The following AUH variants were observed in gnomAD, a reference collection of about 807,000 sequenced individuals.
AUH encodes the protein AU RNA binding methylglutaconyl-CoA hydratase.
A neutral mutation model predicts 42.3 loss-of-function variants in AUH; 29 were observed. The ratio of observed to expected loss-of-function variants is 0.69; its 90% CI spans 0.51 to 0.93. The LOEUF (loss-of-function observed/expected upper bound fraction) is 0.93. Ranked by LOEUF, AUH falls within the 40% of genes least tolerant of loss-of-function variation. The pLI, the probability that AUH is intolerant of heterozygous loss-of-function variation, is 0.00. For missense variants in AUH, 452 were observed against 438.1 expected, an observed-to-expected ratio of 1.03 and a Z score of -0.28; for synonymous variants, 174 against 166.4, an observed-to-expected ratio of 1.05 and a Z score of -0.35.
At chr9:91,359,564 C>T (rs1261464321) in intron 1 of AUH, among the ~76,000 whole-genome samples, 2 of 151,670 alleles carry the variant, frequency 1.3e-5, no homozygotes, top group Non-Finnish European at 2.9e-5. Context: ...TGGGCAGTCT[C>T]CATCTCAAAA....
intron 4 of AUH, among the ~76,000 whole-genome samples, chr9:91,314,505 A>AC (rs956529126): frequency 6.6e-6 from 1 of 151,254 alleles, no homozygotes; most frequent in Admixed American, 6.6e-5. Context: ...AAAAAAAAAA[A>AC]ACACCTTAAA....
At chr9:91,228,788 T>C (rs1827682254) in intron 6 of AUH, among the ~76,000 whole-genome samples, 1 of 152,336 alleles carries the variant, frequency 6.6e-6, no homozygotes, top group Non-Finnish European at 1.5e-5. Flanking sequence ...AACATCTTTA[T>C]ATCTGCCTTC....
intron 1 of AUH, among the ~76,000 whole-genome samples, chr9:91,357,833 T>C (rs1323088872): frequency 6.6e-6 from 1 of 152,138 alleles, no homozygotes. Context: ...GAGTGACCAA[T>C]GAAAGTAAAG....
intron 3 of AUH, among the ~76,000 whole-genome samples, chr9:91,339,542 TG>T (rs1830947044): frequency 6.6e-6 from 1 of 152,322 alleles, no homozygotes; most frequent in African/African-American, 2.4e-5. Flanking sequence ...GTTTTCAACA[TG>T]TAAGTACAGA....
At chr9:91,230,970 G>T (rs1409200330) in intron 6 of AUH, among the ~76,000 whole-genome samples, 3 of 152,198 alleles carry the variant, frequency 2.0e-5, no homozygotes, top group Non-Finnish European at 4.4e-5. Flanking sequence ...TGTCAGACAG[G>T]GACATTTAAG....
At chr9:91,235,915 G>A (rs1404923647) in intron 6 of AUH, among the ~76,000 whole-genome samples, 2 of 152,198 alleles carry the variant, frequency 1.3e-5, no homozygotes, top group Admixed American at 6.5e-5. Flanking sequence ...TCTCCAAACT[G>A]AAGATGGCAC....
At chr9:91,313,914 C>T (rs1828931654) in intron 4 of AUH, among the ~76,000 whole-genome samples, 1 of 151,056 alleles carries the variant, frequency 6.6e-6, no homozygotes, top group Non-Finnish European at 1.5e-5. Context: ...ACCTCCGCCT[C>T]CTAAGTTCAA....
intron 6 of AUH, among the ~76,000 whole-genome samples, chr9:91,293,892 G>T (rs890998357): frequency 6.6e-6 from 1 of 152,184 alleles, no homozygotes; most frequent in Non-Finnish European, 1.5e-5. Flanking sequence ...TCCCTTGTTA[G>T]GGACTAATGC....
At chr9:91,333,094 C>A (rs1337048101) in intron 3 of AUH, among the ~76,000 whole-genome samples, 1 of 152,228 alleles carries the variant, frequency 6.6e-6, no homozygotes, top group East Asian at 1.9e-4. Context: ...AATGGCAGTT[C>A]TCCAGGGAGG....
chr9:91,348,595 A>C (rs1831713252), intron 3 of AUH, among the ~76,000 whole-genome samples: 1 of 152,234 alleles, frequency 6.6e-6, no homozygotes, highest in African/African-American at 2.4e-5. Flanking sequence ...GAAACTAGTG[A>C]AACATGAATA....
rs550984607 is a variant in AUH at position 91,309,835 on chromosome 9, G to C, written c.506-11759C>G. 4.6e-5 allele frequency among the ~76,000 whole-genome samples: 7 copies of C among 152,248 alleles called. No homozygotes were observed. In the East Asian group the frequency reaches 1.4e-3, roughly 29 times the overall value. ...ACATAAAATAAGCACAAACAATTAA[G>C]AATATTGTTTTCTTCCCACCTTCCT... On this transcript the variant is annotated intron_variant, in intron 4 of 9. Transcript: ENST00000375731.
At chr9:91,278,697 T>C (rs764240838) in intron 6 of AUH, among the ~76,000 whole-genome samples, 12 of 152,186 alleles carry the variant, frequency 7.9e-5, no homozygotes, top group Non-Finnish European at 1.3e-4. Flanking sequence ...TAATGAATCA[T>C]AGCCCTTCCT....
Position 91,220,925 on chromosome 9 carries a change from T to G in AUH, c.723A>C (p.Arg241=). 1 of 1,614,246 alleles carries G rather than the reference T, an allele frequency of 6.2e-7. No homozygotes were observed. The highest frequency in any genetic ancestry group is 8.5e-7 in the Non-Finnish European group (1 of 1,180,044). ...SLAKELIFSA[R]VLDGKEAKAV... The stretch of plus-strand genomic sequence containing the variant: ...CTTTGGCTTCTTTGCCATCGAGGAC[T>G]CGCGCAGAGAATATGAGCTCCTTGG... Residue 241 remains arginine (R), a synonymous_variant, in exon 7 of 10, where the codon CGA becomes CGC. Coordinates refer to ENST00000375731, the MANE Select transcript of AUH (RefSeq NM_001698.3).
intron 8 of AUH, among the ~76,000 whole-genome samples, chr9:91,216,780 C>CT (rs1826845342): frequency 1.3e-5 from 2 of 152,208 alleles, no homozygotes; most frequent in African/African-American, 4.8e-5. Flanking sequence ...CTGGGGCCTT[C>CT]ACTCTTTTGG....
At chr9:91,276,044 A>G (rs1226099687) in intron 6 of AUH, among the ~76,000 whole-genome samples, 2 of 152,170 alleles carry the variant, frequency 1.3e-5, no homozygotes, top group Admixed American at 1.3e-4. Context: ...AAAAGTAATA[A>G]CCAGAGCCAA....
intron 4 of AUH, 69 bp downstream of exon 4, chr9:91,325,249 T>C (rs1705270): frequency 4.8e-6 from 6 of 1,241,060 alleles, no homozygotes; most frequent in Admixed American, 1.7e-5. Flanking sequence ...ATATATAATG[T>C]GTAACTTTTT....
chr9:91,245,114 G>A (rs970167784), intron 6 of AUH, among the ~76,000 whole-genome samples: 5 of 152,178 alleles, frequency 3.3e-5, no homozygotes, highest in African/African-American at 1.2e-4. Context: ...AAAAAGCAAC[G>A]AGAGAGGAAG....
At chr9:91,313,538 T>C (rs919993550) in intron 4 of AUH, among the ~76,000 whole-genome samples, 2 of 150,958 alleles carry the variant, frequency 1.3e-5, no homozygotes, top group Admixed American at 6.6e-5. Flanking sequence ...ACCCCGTCTC[T>C]ACTAAAAATA....
At chr9:91,267,107 T>G (rs1313849914) in intron 6 of AUH, among the ~76,000 whole-genome samples, 1 of 152,294 alleles carries the variant, frequency 6.6e-6, no homozygotes, top group African/African-American at 2.4e-5. Context: ...CATTGAAACT[T>G]AGAACTAGCA....
Sources: gnomAD v4.1 joint callset for allele counts (sites outside exome capture counted in the v4.1 genomes callset) on GRCh38, gnomAD v4.1.1 for gene constraint, MANE v1.5 for transcripts, NCBI Gene and HGNC (gene_info 2026-07-23, HGNC 2026-07-21) for gene names.